The following WDR45B variants were observed in gnomAD, a reference collection of about 807,000 sequenced individuals.
The protein encoded by WDR45B is WD repeat domain phosphoinositide-interacting protein 3.
In WDR45B, 20 loss-of-function variants were observed where a neutral mutation model predicts 44.6. The observed-to-expected ratio is 0.45, with a 90% confidence interval of 0.32 to 0.65. WDR45B has a LOEUF of 0.65. WDR45B is among the 30% of genes least tolerant of loss of function. The probability of loss-of-function intolerance (pLI) is 0.05; values close to 1 mark genes in which losing one functional copy is unlikely to be tolerated. For missense variants in WDR45B, 323 were observed against 430.2 expected, an observed-to-expected ratio of 0.75 and a Z score of 2.20; for synonymous variants, 169 against 164.9, an observed-to-expected ratio of 1.02 and a Z score of -0.19.
At chr17:82,641,657 G>T (rs924452185) in intron 2 of WDR45B, among the ~76,000 whole-genome samples, 1 of 152,202 alleles carries the variant, frequency 6.6e-6, no homozygotes, top group African/African-American at 2.4e-5. Context: ...AGCACTTTGG[G>T]AGGACAAGGT....
intron 2 of WDR45B, among the ~76,000 whole-genome samples, chr17:82,633,918 G>A (rs1285371147): frequency 6.6e-6 from 1 of 151,952 alleles, no homozygotes; most frequent in Non-Finnish European, 1.5e-5. Flanking sequence ...GGGAGGCAAG[G>A]CAGGTGGATC....
At chr17:82,647,571 T>C (rs1169187004) in intron 1 of WDR45B, among the ~76,000 whole-genome samples, 2 of 151,624 alleles carry the variant, frequency 1.3e-5, no homozygotes, top group Non-Finnish European at 2.9e-5. Context: ...GATTCCGACA[T>C]GGGAAAAGAA....
intron 1 of WDR45B, among the ~76,000 whole-genome samples, chr17:82,647,125 A>G (rs1216459866): frequency 6.6e-6 from 1 of 152,164 alleles, no homozygotes; most frequent in Non-Finnish European, 1.5e-5. Flanking sequence ...GCTACTCAGG[A>G]GCCTGAGGCA....
intron 3 of WDR45B, among the ~76,000 whole-genome samples, chr17:82,630,229 C>CGGCATCTCCTTCCT (rs1174099219): frequency 2.3e-4 from 35 of 152,172 alleles, no homozygotes; most frequent in African/African-American, 8.0e-4. Context: ...ACAGATCTGA[C>CGGCATCTCCTTCCT]GGCATCTCCT....
chr17:82,639,529 G>A (rs974729753), intron 2 of WDR45B, among the ~76,000 whole-genome samples: 2 of 152,000 alleles, frequency 1.3e-5, no homozygotes, highest in Admixed American at 1.3e-4. Flanking sequence ...CCCACCCGCA[G>A]GAACCACCTG....
In WDR45B at chr17:82,615,316, T is replaced by C. The variant is rs1196405361; in HGVS notation, c.*603A>G. On this transcript the variant is annotated 3_prime_UTR_variant, in exon 10 of 10. Coordinates refer to ENST00000392325, the MANE Select transcript of WDR45B (RefSeq NM_019613.4). ...GACGTCACGGGCACAGATGACCACG[T>C]TGCGGGTACGGAGAAGACCACAGGC... is the stretch of plus-strand genomic sequence containing the variant. 2 of 160,088 alleles carry C rather than the reference T, an allele frequency of 1.2e-5. No individual in the cohort carries two copies. The highest frequency in any genetic ancestry group is 3.6e-4 in the East Asian group (2 of 5,500). 9.9% of individuals were successfully genotyped at this position (160,088 alleles called of 1,614,324 possible).
In WDR45B at chr17:82,637,190, A is replaced by G. The variant is rs2045843709; in HGVS notation, c.143-6168T>C. 2.0e-5 allele frequency among the ~76,000 whole-genome samples: 3 copies of G among 152,024 alleles called. No individual in the cohort carries two copies. The South Asian group carries it at 6.2e-4, about 31-fold the overall frequency. Reference sequence around the variant, plus strand: ...TACCCACAAAAAGAAGAAATGCCCAAGCCTGCCCAGGATGTCAGCGTCTAC... The same window carrying G: ...TACCCACAAAAAGAAGAAATGCCCAGGCCTGCCCAGGATGTCAGCGTCTAC... On this transcript the variant is annotated intron_variant, in intron 2 of 9. Transcript: ENST00000392325.
At chr17:82,628,519 C>T (rs2045727678) in intron 3 of WDR45B, among the ~76,000 whole-genome samples, 3 of 151,672 alleles carry the variant, frequency 2.0e-5, no homozygotes. Flanking sequence ...TGTGAGATCG[C>T]TTGAGGCCAA....
intron 1 of WDR45B, among the ~76,000 whole-genome samples, chr17:82,645,266 C>T (rs1450585893): frequency 1.3e-5 from 2 of 151,586 alleles, no homozygotes; most frequent in East Asian, 3.9e-4. Flanking sequence ...CCACTGCACT[C>T]CAACCTGGGC....
chr17:82,618,397 T>A (rs958545849), intron 7 of WDR45B, among the ~76,000 whole-genome samples: 4 of 152,214 alleles, frequency 2.6e-5, no homozygotes, highest in African/African-American at 7.2e-5. Flanking sequence ...GGCGGCAGTG[T>A]GGCCTCTCAG....
chr17:82,617,654 T>A (rs1003558259), intron 7 of WDR45B: 2 of 512,700 alleles, frequency 3.9e-6, no homozygotes. Context: ...GCTGATGAGC[T>A]GTGTGTCTGG....
chr17:82,637,883 T>C (rs571844020), intron 2 of WDR45B, among the ~76,000 whole-genome samples: 2 of 151,548 alleles, frequency 1.3e-5, no homozygotes, highest in South Asian at 4.2e-4. Flanking sequence ...AGACCCACAA[T>C]TAGAAAGGGT....
intron 8 of WDR45B, 116 bp downstream of exon 8, chr17:82,617,180 A>G (rs972466087): frequency 1.1e-6 from 1 of 877,270 alleles, no homozygotes; most frequent in Non-Finnish European, 1.9e-6. Flanking sequence ...CGCTGATAGC[A>G]TATGAGGTCT....
chr17:82,627,387 C>A, intron 3 of WDR45B, 96 bp from the exon 4 acceptor site: 2 of 1,025,760 alleles, frequency 1.9e-6, no homozygotes, highest in Non-Finnish European at 3.0e-6. Flanking sequence ...GTTTTCTCTT[C>A]CCACTGGCAC....
chr17:82,626,455 C>G (rs2045698609), intron 4 of WDR45B, among the ~76,000 whole-genome samples: 2 of 145,076 alleles, frequency 1.4e-5, no homozygotes, highest in Non-Finnish European at 3.0e-5. Context: ...ATTGCTTGAA[C>G]CCGGGAGGCA....
At chr17:82,626,136 C>T (rs1051541169) in intron 4 of WDR45B, among the ~76,000 whole-genome samples, 3 of 151,932 alleles carry the variant, frequency 2.0e-5, no homozygotes, top group African/African-American at 7.2e-5. Context: ...CTGCCTCAGC[C>T]TCCCAAAGTG....
intron 2 of WDR45B, among the ~76,000 whole-genome samples, chr17:82,638,765 C>G (rs1289615960): frequency 6.6e-6 from 1 of 152,012 alleles, no homozygotes; most frequent in Admixed American, 6.6e-5. Context: ...AAAAATTATG[C>G]ATCATTTCTA....
intron 8 of WDR45B, 85 bp from the exon 9 acceptor site, chr17:82,616,730 T>C: frequency 1.3e-6 from 2 of 1,559,516 alleles, no homozygotes; most frequent in Non-Finnish European, 1.8e-6. Context: ...CTGCTGAAAA[T>C]ACGAAAATGC....
intron 2 of WDR45B, among the ~76,000 whole-genome samples, chr17:82,638,098 A>G (rs1407224689): frequency 6.8e-6 from 1 of 147,846 alleles, no homozygotes; most frequent in Non-Finnish European, 1.5e-5. Context: ...AGGCACGAGA[A>G]TCGCTTGAAC....
Sources: allele counts gnomAD v4.1 joint callset (sites outside exome capture counted in the v4.1 genomes callset), GRCh38; gene constraint gnomAD v4.1.1; transcripts MANE v1.5; gene names NCBI Gene and HGNC (gene_info 2026-07-23, HGNC 2026-07-21).